WDPCP: variants seen among roughly 807,000 people sequenced by gnomAD.
The protein encoded by WDPCP is WD repeat containing planar cell polarity effector.
A neutral mutation model predicts 93.1 loss-of-function variants in WDPCP; 71 were observed. The ratio of observed to expected loss-of-function variants is 0.76; its 90% confidence interval spans 0.63 to 0.93. WDPCP has a LOEUF of 0.93. WDPCP is among the 40% of genes least tolerant of loss of function. The pLI, the probability that WDPCP is intolerant of heterozygous loss-of-function variation, is 0.00. For synonymous variants in WDPCP, 315 were observed against 315.0 expected (o/e 1.00, Z 0.00); for missense variants, 844 against 887.4 (o/e 0.95, Z 0.62).
chr2:63,441,920 T>C (rs188546181), intron 6 of WDPCP: 1 of 152,212 alleles, frequency 6.6e-6, no homozygotes, highest in Admixed American at 6.6e-5. Flanking sequence ...GTAGGTTAAA[T>C]AAAGTAGGTT....
chr2:63,236,499 A>G (rs1351117835), intron 14 of WDPCP, among the ~76,000 whole-genome samples: 3 of 152,224 alleles, frequency 2.0e-5, no homozygotes, highest in African/African-American at 7.2e-5. Context: ...CATGGAATTT[A>G]AAAAGAGGCT....
At chr2:63,603,523 G>C (rs1343578689) in intron 3 of WDPCP, among the ~76,000 whole-genome samples, 1 of 151,766 alleles carries the variant, frequency 6.6e-6, no homozygotes, top group African/African-American at 2.4e-5. Flanking sequence ...ATTCCCTTCT[G>C]GTTCATCATA....
At chr2:63,411,258 A>G (rs1432963232) in intron 9 of WDPCP, among the ~76,000 whole-genome samples, 1 of 152,214 alleles carries the variant, frequency 6.6e-6, no homozygotes, top group African/African-American at 2.4e-5. Flanking sequence ...ATACATGGAA[A>G]TTTAATAACC....
chr2:63,564,786 T>C (rs1040408666), intron 1 of WDPCP, among the ~76,000 whole-genome samples: 1 of 151,154 alleles, frequency 6.6e-6, no homozygotes, highest in African/African-American at 2.4e-5. Context: ...ACCTTTTTTT[T>C]TTTTTTTTTG....
intron 2 of WDPCP, among the ~76,000 whole-genome samples, chr2:63,675,694 A>G (rs1266969563): frequency 6.6e-6 from 1 of 152,146 alleles, no homozygotes; most frequent in Non-Finnish European, 1.5e-5. Flanking sequence ...AAGTTTTGCA[A>G]ATAAAAATGT....
intron 2 of WDPCP, among the ~76,000 whole-genome samples, chr2:63,690,365 C>T (rs754744336): frequency 1.3e-5 from 2 of 152,126 alleles, no homozygotes; most frequent in Non-Finnish European, 2.9e-5. Context: ...GATATTTAAT[C>T]CCTATTTAAT....
intron 3 of WDPCP, among the ~76,000 whole-genome samples, chr2:63,616,840 C>CT (rs2106633802): frequency 6.6e-6 from 1 of 152,168 alleles, no homozygotes; most frequent in African/African-American, 2.4e-5. Context: ...CTAGAAGAAA[C>CT]TTTGAGATTA....
chr2:63,599,718 T>A (rs1384236521), intron 3 of WDPCP: 3 of 152,266 alleles, frequency 2.0e-5, no homozygotes, highest in African/African-American at 7.2e-5. Context: ...GCCATCAAAT[T>A]CAGATTTTAA....
intron 1 of WDPCP, among the ~76,000 whole-genome samples, chr2:63,522,227 T>C (rs1702988092): frequency 6.6e-6 from 1 of 151,708 alleles, no homozygotes; most frequent in African/African-American, 2.4e-5. Context: ...CCTGTGTCGA[T>C]GTGTTCTCAT....
rs367915322 is a variant in WDPCP at position 63,144,771 on chromosome 2, T to C, written c.2190+8143A>G. ...CTTTTTCAGGTAAATCAGGGATTTC[T>C]TCTTGATTTGGATCCACTGCTGCTG... On this transcript the variant is annotated intron_variant, in intron 17 of 17. Transcript: ENST00000272321. Among the ~76,000 whole-genome samples, 11 of 152,334 alleles carry C rather than the reference T, an allele frequency of 7.2e-5. No individual in the cohort carries two copies. In the East Asian group the frequency reaches 1.2e-3, roughly 16 times the overall value.
intron 14 of WDPCP, among the ~76,000 whole-genome samples, chr2:63,251,542 A>C (rs989260091): frequency 8.0e-6 from 1 of 124,736 alleles, no homozygotes. Flanking sequence ...TCGAGGCTGG[A>C]GTGCAGTGGC....
chr2:63,553,893 T>C (rs942653804), intron 1 of WDPCP, among the ~76,000 whole-genome samples: 3 of 152,228 alleles, frequency 2.0e-5, no homozygotes, highest in Non-Finnish European at 2.9e-5. Context: ...TTTCAAGCCA[T>C]TTGAAATTAA....
At chr2:63,813,130 C>T (rs1157767167) in intron 2 of WDPCP, among the ~76,000 whole-genome samples, 1 of 152,138 alleles carries the variant, frequency 6.6e-6, no homozygotes, top group Non-Finnish European at 1.5e-5. Flanking sequence ...GCTGGGATTA[C>T]AGGCATGAGC....
chr2:63,640,536 T>C (rs547171901), intron 3 of WDPCP, among the ~76,000 whole-genome samples: 6 of 152,322 alleles, frequency 3.9e-5, no homozygotes, highest in Non-Finnish European at 8.8e-5. Context: ...AATGAGTGTT[T>C]ATATAGTTTT....
chr2:63,451,864 T>C (rs982953727), intron 6 of WDPCP, among the ~76,000 whole-genome samples: 1 of 152,210 alleles, frequency 6.6e-6, no homozygotes, highest in African/African-American at 2.4e-5. Flanking sequence ...TCTCAATAGA[T>C]GCAGAAAAGG....
chr2:63,653,045 T>C (rs115924900), intron 2 of WDPCP, among the ~76,000 whole-genome samples: 173 of 152,294 alleles, frequency 1.1e-3, no homozygotes, highest in Middle Eastern at 0.01. Flanking sequence ...AATCCTTCAA[T>C]TGCTCTGGCT....
intron 10 of WDPCP, among the ~76,000 whole-genome samples, chr2:63,398,964 T>C (rs957041597): frequency 1.3e-5 from 2 of 152,194 alleles, no homozygotes; most frequent in African/African-American, 4.8e-5. Context: ...TTCTTTATAC[T>C]GGGTTTTCTT....
At chr2:63,421,447 T>C (rs951420910) in intron 9 of WDPCP, among the ~76,000 whole-genome samples, 2 of 151,128 alleles carry the variant, frequency 1.3e-5, no homozygotes, top group Middle Eastern at 3.2e-3. Context: ...AGCCCAGAAA[T>C]AGACCCACAC....
At chr2:63,241,968 A>G (rs917034723) in intron 14 of WDPCP, among the ~76,000 whole-genome samples, 1 of 152,188 alleles carries the variant, frequency 6.6e-6, no homozygotes. Context: ...TTAAAATGAC[A>G]TGGTAATGTA....
Sources: allele counts gnomAD v4.1 joint callset (sites outside exome capture counted in the v4.1 genomes callset), GRCh38; gene constraint gnomAD v4.1.1; transcripts MANE v1.5; gene names NCBI Gene and HGNC (gene_info 2026-07-23, HGNC 2026-07-21).